FILIP1L: variants seen among roughly 807,000 people sequenced by gnomAD.
FILIP1L encodes the protein filamin A interacting protein 1 like, also known as filamin A-interacting protein 1-like.
FILIP1L carries 55 observed loss-of-function variants against 96.6 expected under a neutral mutation model. That is an observed-to-expected ratio of 0.57 (90% CI 0.46 to 0.71). The LOEUF (loss-of-function observed/expected upper bound fraction) is 0.71, where lower values mean the gene tolerates loss of function less well. FILIP1L is among the 30% of genes least tolerant of loss of function. FILIP1L has a pLI of 0.00. For synonymous variants in FILIP1L, 467 were observed against 473.9 expected (o/e 0.99, Z 0.19); for missense variants, 1,304 against 1,321.2 (o/e 0.99, Z 0.20).
chr3:99,859,794 TTA>T (rs749231524), intron 4 of FILIP1L, among the ~76,000 whole-genome samples: 20 of 152,160 alleles, frequency 1.3e-4, no homozygotes, highest in Admixed American at 2.6e-4. Context: ...GGCCTATAAT[TTA>T]TGTTTCCTTG....
At chr3:100,107,995 A>G (rs902270591) in intron 1 of FILIP1L, among the ~76,000 whole-genome samples, 3 of 151,988 alleles carry the variant, frequency 2.0e-5, no homozygotes, top group Non-Finnish European at 4.4e-5. Flanking sequence ...TTAATAATCA[A>G]TTTTCTGGGA....
At chr3:100,048,950 A>G (rs1009551070) in intron 1 of FILIP1L, among the ~76,000 whole-genome samples, 1 of 152,248 alleles carries the variant, frequency 6.6e-6, no homozygotes, top group African/African-American at 2.4e-5. Context: ...TCATGGAATT[A>G]AAGTTACCAC....
chr3:99,999,603 T>C lies in FILIP1L; in HGVS notation c.-10-68573A>G, dbSNP rs527767898. 7.2e-5 allele frequency among the ~76,000 whole-genome samples: 11 copies of C among 152,348 alleles called. No individual in the cohort carries two copies. The South Asian group carries it at 2.3e-3, about 32-fold the overall frequency. On this transcript the variant is annotated intron_variant, in intron 1 of 5. Transcript: ENST00000477258. The stretch of plus-strand genomic sequence containing the variant: ...TGTGGTTCAGTGAGTCTTGAATCTG[T>C]TAGAGAGGATCTCGGGATATAGGCT...
chr3:99,994,049 GTTC>G (rs1239718811), intron 1 of FILIP1L, among the ~76,000 whole-genome samples: 1 of 152,084 alleles, frequency 6.6e-6, no homozygotes, highest in Non-Finnish European at 1.5e-5. Flanking sequence ...ATTGGATTTT[GTTC>G]TTTGTGTATT....
intron 1 of FILIP1L, among the ~76,000 whole-genome samples, chr3:99,970,204 G>A (rs1032162658): frequency 6.6e-6 from 1 of 152,168 alleles, no homozygotes; most frequent in Non-Finnish European, 1.5e-5. Context: ...GAAAGTGAAG[G>A]CATAGAAATA....
Position 99,848,932 on chromosome 3 carries a change from G to T in FILIP1L, c.2744C>A (p.Ala915Asp), listed in dbSNP as rs1296332755. The T allele has an allele frequency of 6.2e-7, 1 of 1,614,050 alleles. No homozygotes were observed. The highest frequency in any genetic ancestry group is 1.3e-5 in the African/African-American group (1 of 74,920). The change falls in exon 5 of 6, where the codon GCC (alanine) becomes GAC (aspartate). Residue 915 changes from alanine (A) to aspartate (D), a missense_variant. Physicochemically the swap from Ala to Asp is moderately radical, Grantham distance 126. Coordinates refer to ENST00000477258, the MANE Select transcript of FILIP1L (RefSeq NM_001387850.1). ...KVTPDHVQNT[A>D]TLEITSPTTE... ...GGTTGGACTTGTGATTTCAAGAGTG[G>T]CTGTGTTTTGTACATGGTCTGGAGT...
At chr3:99,930,084 C>T in intron 2 of FILIP1L, 55 bp from the exon 3 acceptor site, 1 of 1,443,688 alleles carries the variant, frequency 6.9e-7, no homozygotes. Context: ...GCAGTCTCAG[C>T]AAGTGATTTT....
chr3:99,867,159 A>G (rs1944559520), intron 4 of FILIP1L, among the ~76,000 whole-genome samples: 1 of 152,212 alleles, frequency 6.6e-6, no homozygotes. Context: ...TCAACAGCAT[A>G]TCTGCTAGAG....
chr3:99,860,154 A>T (rs776822969), intron 4 of FILIP1L, among the ~76,000 whole-genome samples: 38 of 152,320 alleles, frequency 2.5e-4, no homozygotes, highest in Admixed American at 7.2e-4. Flanking sequence ...CAGACCCAGC[A>T]ATTTGGGTTA....
intron 1 of FILIP1L, among the ~76,000 whole-genome samples, chr3:100,012,837 A>G (rs1471116825): frequency 4.7e-5 from 7 of 147,404 alleles, no homozygotes; most frequent in African/African-American, 1.8e-4. Context: ...CAGTAGCATG[A>G]TCCCCAGCTC....
chr3:100,021,849 G>A (rs2064822978), intron 1 of FILIP1L, among the ~76,000 whole-genome samples: 1 of 151,462 alleles, frequency 6.6e-6, no homozygotes, highest in South Asian at 2.1e-4. Flanking sequence ...GTGATTTGCT[G>A]GTTAAAGGAA....
At chr3:100,101,551 C>T (rs935460256) in intron 1 of FILIP1L, among the ~76,000 whole-genome samples, 2 of 151,954 alleles carry the variant, frequency 1.3e-5, no homozygotes, top group Non-Finnish European at 2.9e-5. Context: ...ATAAATATAC[C>T]CTTCAAAGTA....
chr3:99,861,091 C>T (rs1420858818), intron 4 of FILIP1L, among the ~76,000 whole-genome samples: 1 of 152,136 alleles, frequency 6.6e-6, no homozygotes, highest in Non-Finnish European at 1.5e-5. Flanking sequence ...CTGCTCCCAC[C>T]ACCACTCTGA....
intron 1 of FILIP1L, among the ~76,000 whole-genome samples, chr3:99,966,783 C>T (rs1195494564): frequency 2.6e-5 from 4 of 152,094 alleles, no homozygotes; most frequent in Admixed American, 1.3e-4. Context: ...ATATGGGCCA[C>T]GTATACAAGA....
intron 1 of FILIP1L, among the ~76,000 whole-genome samples, chr3:100,028,519 G>A (rs2064967445): frequency 6.6e-6 from 1 of 152,058 alleles, no homozygotes; most frequent in Admixed American, 6.6e-5. Context: ...TTGGAGAATA[G>A]GCCTTAGCAA....
chr3:99,885,380 C>T (rs1349607418), intron 4 of FILIP1L, among the ~76,000 whole-genome samples: 5 of 152,194 alleles, frequency 3.3e-5, no homozygotes, highest in African/African-American at 1.2e-4. Flanking sequence ...GAAGTACAAA[C>T]TTATCTTATT....
intron 1 of FILIP1L, among the ~76,000 whole-genome samples, chr3:100,000,636 G>A (rs186794670): frequency 6.6e-6 from 1 of 152,316 alleles, no homozygotes; most frequent in Admixed American, 6.5e-5. Flanking sequence ...GATTGCTTGG[G>A]CCCAGGAGTT....
chr3:100,112,804 C>CTCTT (rs2066512788), intron 1 of FILIP1L, among the ~76,000 whole-genome samples: 1 of 152,172 alleles, frequency 6.6e-6, no homozygotes, highest in Non-Finnish European at 1.5e-5. Flanking sequence ...TAACAAACAG[C>CTCTT]TCTTACAGTA....
chr3:99,916,332 C>G (rs183357575), intron 4 of FILIP1L, among the ~76,000 whole-genome samples: 2 of 152,170 alleles, frequency 1.3e-5, no homozygotes, highest in Non-Finnish European at 2.9e-5. Flanking sequence ...TCAGGTCTTT[C>G]GGCTACATGA....
Sources: gnomAD v4.1 joint callset for allele counts (sites outside exome capture counted in the v4.1 genomes callset) on GRCh38, gnomAD v4.1.1 for gene constraint, MANE v1.5 for transcripts, NCBI Gene and HGNC (gene_info 2026-07-23, HGNC 2026-07-21) for gene names.